Variants in COL12A1 observed in about 807,000 individuals in gnomAD.
COL12A1 encodes the protein collagen alpha-1(XII) chain.
A neutral mutation model predicts 349.7 loss-of-function variants in COL12A1; 114 were observed. That is an observed-to-expected ratio of 0.33 (90% CI 0.28 to 0.38). The LOEUF (loss-of-function observed/expected upper bound fraction) is 0.38. Ranked by LOEUF, COL12A1 falls within the 10% of genes least tolerant of loss-of-function variation. The probability of loss-of-function intolerance (pLI) is 1.00; values close to 1 mark genes in which losing one functional copy is unlikely to be tolerated. For missense variants in COL12A1, 3,284 were observed against 3,756.9 expected, an observed-to-expected ratio of 0.87 and a Z score of 3.29; for synonymous variants, 1,369 against 1,329.0, an observed-to-expected ratio of 1.03 and a Z score of -0.66.
chr6:75,151,229 G>A lies in COL12A1; in HGVS notation c.4059C>T (p.Thr1353=), dbSNP rs992754948. 6.2e-7 allele frequency: 1 copy of A among 1,613,016 alleles called. No homozygotes were observed. Among genetic ancestry groups the A allele is most frequent in the Admixed American group, 1.7e-5 (1 of 59,956 alleles). Residue 1353 remains threonine (T), a synonymous_variant, in exon 21 of 66, where the codon ACC becomes ACT. Transcript: ENST00000322507. ...CAAAATCTGCCACATTGTATGCATG[G>A]GTATCATCAGGATCAGTTGCAATCA... ...LKMIATDPDD[T]HAYNVADFES...
intron 27 of COL12A1, among the ~76,000 whole-genome samples, chr6:75,139,549 T>TA (rs1463406494): frequency 2.6e-5 from 4 of 152,222 alleles, no homozygotes; most frequent in Non-Finnish European, 5.9e-5. Context: ...AATGTCTGCC[T>TA]AGCTGTAAAC....
intron 43 of COL12A1, 75 bp downstream of exon 43, chr6:75,123,255 G>T (rs1235513042): frequency 1.7e-6 from 2 of 1,184,388 alleles, no homozygotes; most frequent in African/African-American, 1.5e-5. Context: ...AATTGTAAAT[G>T]ATGCACATGC....
chr6:75,167,458 A>T (rs1768371984), intron 13 of COL12A1, among the ~76,000 whole-genome samples: 1 of 152,218 alleles, frequency 6.6e-6, no homozygotes, highest in Non-Finnish European at 1.5e-5. Flanking sequence ...AAAAAGTATC[A>T]GACAAATAAG....
intron 26 of COL12A1, among the ~76,000 whole-genome samples, chr6:75,142,837 C>T (rs1012620325): frequency 1.1e-4 from 16 of 152,154 alleles, no homozygotes; most frequent in African/African-American, 3.6e-4. Context: ...TCTCTGTGTC[C>T]TTCTCTAGTG....
intron 51 of COL12A1, among the ~76,000 whole-genome samples, chr6:75,111,416 T>C (rs1007305599): frequency 2.6e-5 from 4 of 151,766 alleles, no homozygotes; most frequent in Non-Finnish European, 4.4e-5. Context: ...TTTGCAATCA[T>C]TAATATCACT....
At chr6:75,095,459 T>C (rs1319949969) in intron 59 of COL12A1, among the ~76,000 whole-genome samples, 1 of 150,840 alleles carries the variant, frequency 6.6e-6, no homozygotes, top group Non-Finnish European at 1.5e-5. Flanking sequence ...CTACTAAAAA[T>C]ACAAAAAATT....
intron 11 of COL12A1, 73 bp downstream of exon 11, chr6:75,180,866 A>T: frequency 6.5e-7 from 1 of 1,526,904 alleles, no homozygotes; most frequent in South Asian, 1.3e-5. Flanking sequence ...GCAGATGGTT[A>T]TTACAAACTG....
intron 52 of COL12A1, among the ~76,000 whole-genome samples, chr6:75,108,512 A>C (rs554599220): frequency 1.1e-4 from 17 of 152,272 alleles, no homozygotes; most frequent in Non-Finnish European, 2.2e-4. Flanking sequence ...GAGATAGTGA[A>C]AGTTGTGAGT....
chr6:75,197,118 T>C (rs1582223026), intron 2 of COL12A1, among the ~76,000 whole-genome samples: 1 of 152,314 alleles, frequency 6.6e-6, no homozygotes, highest in Middle Eastern at 3.4e-3. Context: ...CATTTGTTTG[T>C]TTCATGAAAA....
At chr6:75,151,103 A>G (rs1374235473) in intron 21 of COL12A1, 38 bp downstream of exon 21, 8 of 1,194,258 alleles carry the variant, frequency 6.7e-6, no homozygotes, top group Non-Finnish European at 8.8e-6. Context: ...CCAAAATACC[A>G]GCAGTGCTGA....
At chr6:75,124,753 A>C (rs1414073722) in intron 40 of COL12A1, among the ~76,000 whole-genome samples, 1 of 152,208 alleles carries the variant, frequency 6.6e-6, no homozygotes, top group Non-Finnish European at 1.5e-5. Flanking sequence ...TCAATAATTA[A>C]GTCAAATTAA....
rs543154871 is a variant in COL12A1, at chr6:75,123,621, A to C, written c.6872-217T>G. Among the ~76,000 whole-genome samples, 22 of 152,250 alleles carry C rather than the reference A, an allele frequency of 1.4e-4. No individual in the cohort carries two copies. The South Asian group carries it at 4.4e-3, about 30-fold the overall frequency. ...TCCACTACAGCTACAGAAAATAAAG[A>C]TCTAAAGGGAAAATGTAAGGCCTTC... On this transcript the variant is annotated intron_variant, in intron 42 of 65. Transcript: ENST00000322507.
In COL12A1 at chr6:75,133,254, C is replaced by T. The variant is rs746816733; in HGVS notation, c.5794+39G>A. 17 of 1,531,238 alleles carry T rather than the reference C, an allele frequency of 1.1e-5. No homozygotes were observed. In the South Asian group the frequency reaches 2.2e-4, roughly 20 times the overall value. The allele number at this position is 1,531,238 out of a possible 1,614,324, so 94.9% of individuals were successfully genotyped here. A position where few individuals can be genotyped will look rare whatever the true frequency, so the allele number is the denominator to read the frequency against. On this transcript the variant is annotated intron_variant, in intron 34 of 65. Transcript: ENST00000322507. ...ATGGTCTTTATAATGAAAAGCAACA[C>T]TTATGATGAAAAATTAATTTTTTGG...
chr6:75,185,883 A>G (rs1769587289), intron 8 of COL12A1, among the ~76,000 whole-genome samples: 1 of 152,208 alleles, frequency 6.6e-6, no homozygotes, highest in Admixed American at 6.5e-5. Context: ...CCCCTATTCA[A>G]TAAATGGTGC....
At chr6:75,137,291 CTAA>C in intron 31 of COL12A1, 143 bp downstream of exon 31, 5 of 727,190 alleles carry the variant, frequency 6.9e-6, no homozygotes, top group Non-Finnish European at 8.6e-6. Flanking sequence ...GGAGTGCCAG[CTAA>C]AGAGTCAGAT....
intron 59 of COL12A1, among the ~76,000 whole-genome samples, chr6:75,096,837 A>G (rs1233576673): frequency 1.4e-5 from 2 of 143,390 alleles, no homozygotes; most frequent in Non-Finnish European, 3.0e-5. Flanking sequence ...CGGAGCTTGC[A>G]GTGAGCCGAG....
At chr6:75,192,490 T>G in intron 3 of COL12A1, 135 bp from the exon 4 acceptor site, 1 of 721,508 alleles carries the variant, frequency 1.4e-6, no homozygotes, top group Non-Finnish European at 2.2e-6. Context: ...TCAAACATTA[T>G]TTTTTACTGC....
At chr6:75,135,502 CG>C (rs1408336599) in intron 31 of COL12A1, among the ~76,000 whole-genome samples, 3 of 152,136 alleles carry the variant, frequency 2.0e-5, no homozygotes, top group Non-Finnish European at 4.4e-5. Context: ...AGTTTTTATT[CG>C]TTACTTAAGG....
chr6:75,187,757 C>T (rs1266692889), intron 8 of COL12A1, among the ~76,000 whole-genome samples: 6 of 151,958 alleles, frequency 3.9e-5, no homozygotes, highest in Non-Finnish European at 8.8e-5. Context: ...AATATAAAGG[C>T]TTTGGGTTGT....
Sources: allele counts gnomAD v4.1 joint callset (sites outside exome capture counted in the v4.1 genomes callset), GRCh38; gene constraint gnomAD v4.1.1; transcripts MANE v1.5; gene names NCBI Gene and HGNC (gene_info 2026-07-23, HGNC 2026-07-21).